Variants in JDP2 observed in about 807,000 individuals in gnomAD.
The protein encoded by JDP2 is progesterone receptor co-activator.
In JDP2, 9 loss-of-function variants were observed where a neutral mutation model predicts 17.1. The observed-to-expected ratio is 0.53, with a 90% confidence interval of 0.32 to 0.92. The LOEUF is 0.92. JDP2 is among the 40% of genes least tolerant of loss of function. The probability of loss-of-function intolerance (pLI) is 0.04; values close to 1 mark genes in which losing one functional copy is unlikely to be tolerated. For synonymous variants in JDP2, 107 were observed against 95.6 expected (o/e 1.12, Z -0.69); for missense variants, 179 against 220.0 (o/e 0.81, Z 1.18).
intron 2 of JDP2, 80 bp downstream of exon 2, chr14:75,438,201 TG>T: frequency 8.4e-7 from 1 of 1,185,254 alleles, no homozygotes; most frequent in Non-Finnish European, 1.2e-6. Context: ...CTGTTCAAAG[TG>T]TGGTCTGAGG....
At chr14:75,427,204 GTCTGC>G (rs1259595698), upstream of JDP2, 2 of 152,802 alleles carry the variant, frequency 1.3e-5, no homozygotes, top group African/African-American at 2.4e-5. This position sits in a 1 kb window ranked among gnomAD's most constrained non-coding sequence, Gnocchi z 4.4. Flanking sequence ...TGAGGGCTGG[GTCTGC>G]TCACTGCTGT....
intron 2 of JDP2, chr14:75,445,779 C>A: frequency 5.6e-6 from 1 of 179,984 alleles, no homozygotes; most frequent in Non-Finnish European, 1.1e-5. Flanking sequence ...GATTTTATGC[C>A]AAAAATAAAA....
At chr14:75,436,229 G>A (rs1790036305) in intron 1 of JDP2, among the ~76,000 whole-genome samples, 2 of 149,616 alleles carry the variant, frequency 1.3e-5, no homozygotes, top group South Asian at 2.1e-4. Context: ...CTAGACCTGG[G>A]AAGCTGAATG....
At chr14:75,433,787 C>T (rs1000341896) in intron 1 of JDP2, among the ~76,000 whole-genome samples, 6 of 152,018 alleles carry the variant, frequency 3.9e-5, no homozygotes, top group African/African-American at 9.7e-5. Context: ...GTCAGTGTCC[C>T]GCATTGCCAG....
intron 2 of JDP2, among the ~76,000 whole-genome samples, chr14:75,449,448 T>C (rs917772412): frequency 6.6e-5 from 10 of 152,248 alleles, no homozygotes; most frequent in Admixed American, 3.9e-4. Context: ...CATTTGTTGT[T>C]GTTAAAGAGT....
chr14:75,436,402 A>G (rs955754766), intron 1 of JDP2, among the ~76,000 whole-genome samples: 2 of 152,234 alleles, frequency 1.3e-5, no homozygotes, highest in African/African-American at 4.8e-5. Context: ...CTCCATGGGA[A>G]GAGACAGGTA....
intron 3 of JDP2, among the ~76,000 whole-genome samples, chr14:75,467,232 G>T (rs182415762): frequency 1.3e-5 from 2 of 152,252 alleles, no homozygotes; most frequent in African/African-American, 4.8e-5. Context: ...TCCCATGCCT[G>T]GGTCTTTGTT....
intron 2 of JDP2, among the ~76,000 whole-genome samples, chr14:75,448,624 G>A (rs1005391826): frequency 5.9e-5 from 9 of 152,330 alleles, no homozygotes; most frequent in Admixed American, 1.3e-4. Flanking sequence ...ATACCTTAGC[G>A]TTTCCAAACC....
At chr14:75,443,238 C>A (rs1314159684) in intron 2 of JDP2, among the ~76,000 whole-genome samples, 2 of 152,146 alleles carry the variant, frequency 1.3e-5, no homozygotes, top group Non-Finnish European at 2.9e-5. Context: ...CCATGTTTAG[C>A]CTGAGCAGAA....
chr14:75,458,680 A>T (rs556821226), intron 2 of JDP2, among the ~76,000 whole-genome samples: 3 of 152,182 alleles, frequency 2.0e-5, no homozygotes, highest in Non-Finnish European at 4.4e-5. Flanking sequence ...TGGGGTATAT[A>T]CTCAGGAATG....
chr14:75,464,460 C>A (rs1221398294), intron 3 of JDP2, among the ~76,000 whole-genome samples: 1 of 152,208 alleles, frequency 6.6e-6, no homozygotes, highest in African/African-American at 2.4e-5. Flanking sequence ...CAGCTATTTA[C>A]ATAGCATTTA....
Position 75,470,356 on chromosome 14 carries a change from T to C in JDP2, c.*881T>C, listed in dbSNP as rs1263632496. On this transcript the variant is annotated 3_prime_UTR_variant, in exon 4 of 4. Coordinates refer to ENST00000651602, the MANE Select transcript of JDP2 (RefSeq NM_001135048.2). ...TCCTAAGTACTGTAGTCTCTGGGTG[T>C]CGGGGGTGGCCAGGGCGGGGGCGGG... 1.3e-5 allele frequency: 2 copies of C among 150,034 alleles called. No homozygotes were observed. Among genetic ancestry groups the C allele is most frequent in the Admixed American group, 6.7e-5 (1 of 15,002 alleles). 9.3% of individuals were successfully genotyped at this position (150,034 alleles called of 1,614,324 possible).
In JDP2 at chr14:75,471,576, G is replaced by A. The variant is rs1434111116; in HGVS notation, c.*2101G>A. ...CTGGGTTGCTTCCCAAATTGTGGAC[G>A]AGGCCTTCTGGGATGGGCAGAAGTG... On this transcript the variant is annotated 3_prime_UTR_variant, in exon 4 of 4. Coordinates refer to ENST00000651602, the MANE Select transcript of JDP2 (RefSeq NM_001135048.2). 1 of 152,224 alleles carries A rather than the reference G, an allele frequency of 6.6e-6. No individual in the cohort carries two copies. Among genetic ancestry groups the A allele is most frequent in the African/African-American group, 2.4e-5 (1 of 41,432 alleles). The allele number at this position is 152,224 out of a possible 1,614,324, so 9.4% of individuals were successfully genotyped here.
rs778537934 is a variant in JDP2 at position 75,461,457 on chromosome 14, G to A, written c.233G>A (p.Arg78His). The A allele has an allele frequency of 8.7e-6, 14 of 1,609,704 alleles. No individual in the cohort carries two copies. The highest frequency in any genetic ancestry group is 2.2e-5 in the South Asian group (2 of 89,550). ...LDEEEERRKR[R>H]REKNKVAAAR... ...GAGGAAGAGGAGCGAAGGAAAAGGC[G>A]CCGGGAGAAGAACAAAGTCGCAGCA... Residue 78 changes from arginine (R) to histidine (H), a missense_variant, in exon 3 of 4, where the codon CGC (arginine) becomes CAC (histidine). Arg to His is a conservative substitution (Grantham distance 29). Coordinates refer to ENST00000651602, the MANE Select transcript of JDP2 (RefSeq NM_001135048.2).
intron 1 of JDP2, among the ~76,000 whole-genome samples, chr14:75,429,779 A>G (rs944931388): frequency 1.3e-5 from 2 of 152,106 alleles, no homozygotes; most frequent in African/African-American, 4.8e-5. Context: ...GGGAGGATGG[A>G]TTTCTCAAAG....
chr14:75,469,248 G>A (rs746962567), intron 3 of JDP2, 42 bp from the exon 4 acceptor site: 1 of 1,586,214 alleles, frequency 6.3e-7, no homozygotes, highest in South Asian at 1.1e-5. Flanking sequence ...CCCAGAGCCA[G>A]TCCCCGTGAA....
chr14:75,446,504 A>G (rs746170446), intron 2 of JDP2, among the ~76,000 whole-genome samples: 1 of 152,256 alleles, frequency 6.6e-6, no homozygotes, highest in Non-Finnish European at 1.5e-5. Flanking sequence ...TACATGCTGT[A>G]ATATGGATGA....
intron 2 of JDP2, among the ~76,000 whole-genome samples, chr14:75,456,485 T>G (rs566786664): frequency 6.6e-6 from 1 of 152,320 alleles, no homozygotes; most frequent in East Asian, 1.9e-4. Flanking sequence ...TCCTCTTTGG[T>G]GCTGACCCTG....
At chr14:75,468,932 T>G (rs890722083) in intron 3 of JDP2, among the ~76,000 whole-genome samples, 1 of 152,218 alleles carries the variant, frequency 6.6e-6, no homozygotes, top group Non-Finnish European at 1.5e-5. Flanking sequence ...CCTCCTTTCT[T>G]TGCCCACCCT....
Sources: allele counts gnomAD v4.1 joint callset (sites outside exome capture counted in the v4.1 genomes callset), GRCh38; gene constraint gnomAD v4.1.1; non-coding constraint Gnocchi (gnomAD v3.1); transcripts MANE v1.5; gene names NCBI Gene and HGNC (gene_info 2026-07-23, HGNC 2026-07-21).